Variants in RAB38 observed in about 807,000 individuals in gnomAD.
RAB38 encodes ras-related protein Rab-38.
RAB38 carries 15 observed loss-of-function variants against 18.4 expected under a neutral mutation model. That is an observed-to-expected ratio of 0.82 (90% CI 0.55 to 1.26). The LOEUF (loss-of-function observed/expected upper bound fraction) is 1.26, where lower values mean the gene tolerates loss of function less well. RAB38 is among the 50% of genes most tolerant of loss of function. The pLI is 0.00. For missense variants in RAB38, 294 were observed against 267.4 expected (o/e 1.10, Z -0.69); for synonymous variants, 101 against 104.4 (o/e 0.97, Z 0.20).
the RAB38 span, among the ~76,000 whole-genome samples, chr11:88,027,593 C>G: frequency 6.6e-6 from 1 of 152,234 alleles, no homozygotes; most frequent in African/African-American, 2.4e-5. Context: ...CTGGGAGGGT[C>G]CTACGCCCAT....
At chr11:88,159,374 G>A (rs1943162492) in intron 1 of RAB38, among the ~76,000 whole-genome samples, 1 of 151,608 alleles carries the variant, frequency 6.6e-6, no homozygotes, top group African/African-American at 2.4e-5. Flanking sequence ...CTCATAGGTT[G>A]GAAGAGTCAA....
rs1106941 is a variant in RAB38, at chr11:88,152,291, T to C, written c.203-2336A>G. 3.1e-3 allele frequency among the ~76,000 whole-genome samples: 468 copies of C among 152,316 alleles called. 10 individuals are homozygous for C. In the East Asian group the frequency reaches 0.031, roughly 10 times the overall value. ...TAATCTGCTTGTCCAGAGGTTTTCA[T>C]AGTAGAACAAGGCAGTCCTCAAGAA... is the stretch of plus-strand genomic sequence containing the variant. On this transcript the variant is annotated intron_variant, in intron 1 of 2. Coordinates refer to ENST00000243662, the MANE Select transcript of RAB38 (RefSeq NM_022337.3).
chr11:87,805,828 A>G, the RAB38 span, among the ~76,000 whole-genome samples: 1 of 152,106 alleles, frequency 6.6e-6, no homozygotes, highest in Non-Finnish European at 1.5e-5. Flanking sequence ...GAAAGAGTTG[A>G]TGCTGCAGTT....
chr11:87,808,650 G>C, the RAB38 span, among the ~76,000 whole-genome samples: 1 of 151,956 alleles, frequency 6.6e-6, no homozygotes, highest in Admixed American at 6.6e-5. Flanking sequence ...GTCTAAGAGA[G>C]TAGATTTTAA....
the RAB38 span, among the ~76,000 whole-genome samples, chr11:87,842,789 C>T: frequency 4.8e-5 from 7 of 145,086 alleles, no homozygotes; most frequent in East Asian, 2.0e-4. Flanking sequence ...CACATGCATG[C>T]GCATGCACAC....
chr11:88,138,995 A>G (rs1371216300), intron 2 of RAB38, among the ~76,000 whole-genome samples: 1 of 152,030 alleles, frequency 6.6e-6, no homozygotes, highest in Non-Finnish European at 1.5e-5. Flanking sequence ...TGTGTTAGCC[A>G]GGATGGTCTC....
the RAB38 span, among the ~76,000 whole-genome samples, chr11:87,921,805 G>C: frequency 6.6e-6 from 1 of 151,188 alleles, no homozygotes; most frequent in African/African-American, 2.4e-5. Flanking sequence ...TTTTTTCTCA[G>C]ATAGCAGCTA....
the RAB38 span, among the ~76,000 whole-genome samples, chr11:87,941,214 G>GATAGATATATATATATATATATATAT: frequency 4.8e-5 from 3 of 62,550 alleles, no homozygotes; most frequent in Non-Finnish European, 8.3e-5. Context: ...AAATATATGA[G>GATAGATATATATATATATATATATAT]ATATATATAT....
At chr11:87,889,821 G>T in the RAB38 span, among the ~76,000 whole-genome samples, 210 of 150,214 alleles carry the variant, frequency 1.4e-3, no homozygotes, top group East Asian at 0.036. Flanking sequence ...TTTCTGTGTG[G>T]TTTTTTTTTG....
chr11:87,926,709 A>G, the RAB38 span, among the ~76,000 whole-genome samples: 2 of 151,984 alleles, frequency 1.3e-5, no homozygotes, highest in African/African-American at 2.4e-5. Context: ...GTTGAGCTTT[A>G]TTACTCAAGG....
chr11:87,845,611 T>C, the RAB38 span, among the ~76,000 whole-genome samples: 1 of 152,050 alleles, frequency 6.6e-6, no homozygotes, highest in South Asian at 2.1e-4. Context: ...TGGGAGAGAT[T>C]GCTGTAGGAA....
chr11:87,910,266 G>A, the RAB38 span, among the ~76,000 whole-genome samples: 137,112 of 152,148 alleles, frequency 0.9, 61,800 homozygotes, highest in East Asian at 0.94. Flanking sequence ...TGTCTTTTTT[G>A]GTGGAATGTA....
At chr11:88,141,348 A>G (rs1942910296) in intron 2 of RAB38, among the ~76,000 whole-genome samples, 1 of 152,094 alleles carries the variant, frequency 6.6e-6, no homozygotes, top group African/African-American at 2.4e-5. Flanking sequence ...AGTGGGTAGA[A>G]ACAAGGAATG....
chr11:87,934,089 C>T, the RAB38 span, among the ~76,000 whole-genome samples: 51 of 152,188 alleles, frequency 3.4e-4, 1 homozygote, highest in South Asian at 3.7e-3. Flanking sequence ...TGAATTAATC[C>T]GTGATTGTCC....
the RAB38 span, among the ~76,000 whole-genome samples, chr11:87,899,428 TTGAA>T: frequency 6.6e-6 from 1 of 151,706 alleles, no homozygotes; most frequent in African/African-American, 2.4e-5. Flanking sequence ...TAATGGCTAT[TTGAA>T]TGGTTTTGGA....
At chr11:88,099,416 C>A in the RAB38 span, among the ~76,000 whole-genome samples, 1 of 151,588 alleles carries the variant, frequency 6.6e-6, no homozygotes, top group Non-Finnish European at 1.5e-5. Flanking sequence ...CACAGGTTTT[C>A]TTGATGTGAC....
chr11:87,884,095 A>C, the RAB38 span, among the ~76,000 whole-genome samples: 8 of 152,068 alleles, frequency 5.3e-5, no homozygotes, highest in East Asian at 1.4e-3. Context: ...AAAGATGATG[A>C]CCTTGAATTT....
At chr11:87,938,756 T>C in the RAB38 span, among the ~76,000 whole-genome samples, 1 of 151,278 alleles carries the variant, frequency 6.6e-6, no homozygotes, top group Non-Finnish European at 1.5e-5. Flanking sequence ...GTTCTTCAAC[T>C]CCAAGGCAAG....
the RAB38 span, among the ~76,000 whole-genome samples, chr11:88,028,782 G>C: frequency 6.6e-6 from 1 of 152,164 alleles, no homozygotes; most frequent in African/African-American, 2.4e-5. Flanking sequence ...CAGGGAGAAT[G>C]GAACCAAGTT....
Sources: gnomAD v4.1 joint callset for allele counts (sites outside exome capture counted in the v4.1 genomes callset) on GRCh38, gnomAD v4.1.1 for gene constraint, MANE v1.5 for transcripts, NCBI Gene and HGNC (gene_info 2026-07-23, HGNC 2026-07-21) for gene names.